The following SIMC1 variants were observed in gnomAD, a reference collection of about 807,000 sequenced individuals.
SIMC1 encodes the protein SUMO interacting motifs containing 1.
A neutral mutation model predicts 82.3 loss-of-function variants in SIMC1; 55 were observed. The ratio of observed to expected loss-of-function variants is 0.67; its 90% CI spans 0.54 to 0.84. The LOEUF (loss-of-function observed/expected upper bound fraction) is 0.84. Ranked by LOEUF, SIMC1 falls within the 40% of genes least tolerant of loss-of-function variation. The pLI, the probability that SIMC1 is intolerant of heterozygous loss-of-function variation, is 0.00. For synonymous variants in SIMC1, 353 were observed against 426.3 expected, an observed-to-expected ratio of 0.83 and a Z score of 2.12; for missense variants, 915 against 1,107.2, an observed-to-expected ratio of 0.83 and a Z score of 2.46.
intron 1 of SIMC1, among the ~76,000 whole-genome samples, chr5:176,283,532 C>G (rs967035777): frequency 1.3e-5 from 2 of 152,190 alleles, no homozygotes; most frequent in African/African-American, 4.8e-5. Context: ...AAGCACTAAA[C>G]ATGGAAAGGA....
At chr5:176,295,286 T>G (rs542539925) in intron 3 of SIMC1, 24 bp downstream of exon 3, 1 of 1,586,672 alleles carries the variant, frequency 6.3e-7, no homozygotes, top group African/African-American at 1.3e-5. Context: ...CCTCTGGCTG[T>G]TGGCGAATCT....
intron 1 of SIMC1, among the ~76,000 whole-genome samples, chr5:176,281,926 G>A (rs1240825578): frequency 3.3e-5 from 5 of 152,322 alleles, no homozygotes; most frequent in African/African-American, 9.6e-5. Flanking sequence ...CAGATCTCCA[G>A]CTGCGTGCTG....
intron 4 of SIMC1, chr5:176,313,316 GA>G: frequency 6.8e-7 from 1 of 1,465,478 alleles, no homozygotes; most frequent in South Asian, 1.4e-5. Context: ...GTGAGAGGGA[GA>G]GATTGACTTC....
chr5:176,261,392 C>G (rs1488873395), intron 1 of SIMC1, among the ~76,000 whole-genome samples: 4 of 152,072 alleles, frequency 2.6e-5, no homozygotes, highest in Non-Finnish European at 5.9e-5. Flanking sequence ...AATTATTAAG[C>G]TTATAGATCA....
intron 4 of SIMC1, 118 bp downstream of exon 4, chr5:176,296,438 A>C: frequency 6.5e-7 from 1 of 1,543,012 alleles, no homozygotes; most frequent in Middle Eastern, 1.8e-4. Context: ...CCGAGGCAGG[A>C]GGACAGTTTG....
At chr5:176,269,620 C>T (rs1189443261) in intron 1 of SIMC1, among the ~76,000 whole-genome samples, 1 of 152,212 alleles carries the variant, frequency 6.6e-6, no homozygotes, top group Non-Finnish European at 1.5e-5. Context: ...ACCATTCAAA[C>T]ACAACTTAAA....
intron 1 of SIMC1, among the ~76,000 whole-genome samples, chr5:176,288,521 C>T (rs1382591300): frequency 6.6e-6 from 1 of 152,064 alleles, no homozygotes; most frequent in Non-Finnish European, 1.5e-5. Context: ...GAGTTCAGAC[C>T]TTTGATGGCC....
At chr5:176,305,692 G>A (rs1240535408) in intron 4 of SIMC1, among the ~76,000 whole-genome samples, 203 of 91,572 alleles carry the variant, frequency 2.2e-3, no homozygotes, top group East Asian at 3.4e-3. Context: ...CAGCCGCCCC[G>A]TCCGGGAGGG....
intron 1 of SIMC1, among the ~76,000 whole-genome samples, chr5:176,289,019 T>G (rs971697114): frequency 3.9e-5 from 6 of 152,236 alleles, no homozygotes; most frequent in Non-Finnish European, 8.8e-5. Context: ...TATATTATCT[T>G]TCATATCTGT....
chr5:176,344,050 G>A (rs918806105), intron 9 of SIMC1, among the ~76,000 whole-genome samples: 5 of 152,092 alleles, frequency 3.3e-5, no homozygotes, highest in South Asian at 4.1e-4. Context: ...GCCCATCTCC[G>A]CCTCCCAAAG....
intron 4 of SIMC1, among the ~76,000 whole-genome samples, chr5:176,306,416 C>T (rs1190673508): frequency 3.9e-5 from 5 of 128,096 alleles, no homozygotes; most frequent in Admixed American, 7.6e-5. Context: ...GAGGTGTGCC[C>T]AACAGCTCAT....
chr5:176,295,213 A>C lies in SIMC1; in HGVS notation c.1615A>C (p.Thr539Pro), dbSNP rs1426619779. 1 of 1,613,430 alleles carries C rather than the reference A, an allele frequency of 6.2e-7. No individual in the cohort carries two copies. Among genetic ancestry groups the C allele is most frequent in the Admixed American group, 1.7e-5 (1 of 59,950 alleles). Residue 539 changes from threonine (T) to proline (P), a missense_variant, in exon 3 of 10, where the codon ACT becomes CCT. By Grantham distance (38) the Thr-to-Pro change is conservative. Transcript: ENST00000429602. ...GAAAATCTTGCTCAGTGGCTCTGAG[A>C]CTGTGGATGTCCTAAAGGAGGCCTA... ...IQKILLSGSE[T>P]VDVLKEAYML...
intron 2 of SIMC1, among the ~76,000 whole-genome samples, chr5:176,292,821 G>A (rs1235091843): frequency 1.3e-5 from 2 of 152,158 alleles, no homozygotes; most frequent in Admixed American, 6.5e-5. Flanking sequence ...GATTACAGGC[G>A]TGAGCCACCG....
chr5:176,279,546 G>A lies in SIMC1; in HGVS notation c.130-10108G>A, dbSNP rs1486050289. ...GAATGTGTTTGCTCTTGCTTTTCTA[G>A]TTCTTTTAATTGTGATGTTAGGGTG... On this transcript the variant is annotated intron_variant, in intron 1 of 9. Coordinates refer to ENST00000429602, the MANE Select transcript of SIMC1 (RefSeq NM_001308195.2). Among the ~76,000 whole-genome samples, 882 of 150,450 alleles carry A rather than the reference G, an allele frequency of 5.9e-3. 6 individuals carry two copies. The highest frequency in any genetic ancestry group is 0.02 in the African/African-American group (838 of 40,888).
At chr5:176,261,452 G>A (rs964311104) in intron 1 of SIMC1, among the ~76,000 whole-genome samples, 27 of 152,126 alleles carry the variant, frequency 1.8e-4, no homozygotes, top group Admixed American at 5.9e-4. Context: ...GTTATAAAAG[G>A]TGTATGATGG....
chr5:176,268,578 A>G (rs891792797), intron 1 of SIMC1, among the ~76,000 whole-genome samples: 2 of 152,050 alleles, frequency 1.3e-5, no homozygotes, highest in African/African-American at 4.8e-5. Flanking sequence ...ATTTCTGGAG[A>G]CTAAGAGGAA....
chr5:176,292,847 G>A (rs529568461), intron 2 of SIMC1, among the ~76,000 whole-genome samples: 71 of 152,238 alleles, frequency 4.7e-4, no homozygotes, highest in Admixed American at 9.2e-4. Flanking sequence ...GGCCCAGACA[G>A]CATTTATTAT....
chr5:176,248,717 A>G (rs1761538681), intron 1 of SIMC1, among the ~76,000 whole-genome samples: 1 of 152,106 alleles, frequency 6.6e-6, no homozygotes, highest in Non-Finnish European at 1.5e-5. Context: ...GCTTTTACCC[A>G]TTCAGTATGA....
intron 7 of SIMC1, among the ~76,000 whole-genome samples, chr5:176,329,179 A>G (rs955881458): frequency 3.9e-5 from 6 of 152,156 alleles, no homozygotes; most frequent in Admixed American, 2.6e-4. Context: ...GTCAAGATGT[A>G]TAACTGTTCT....
Sources: gnomAD v4.1 joint callset for allele counts (sites outside exome capture counted in the v4.1 genomes callset) on GRCh38, gnomAD v4.1.1 for gene constraint, MANE v1.5 for transcripts, NCBI Gene and HGNC (gene_info 2026-07-23, HGNC 2026-07-21) for gene names.